Variants in TBC1D5 observed in about 807,000 individuals in gnomAD.
The protein encoded by TBC1D5 is TBC1 domain family, member 5.
A neutral mutation model predicts 100.3 loss-of-function variants in TBC1D5; 75 were observed. That is an observed-to-expected ratio of 0.75 (90% CI 0.62 to 0.91). The LOEUF (loss-of-function observed/expected upper bound fraction) is 0.91. Ranked by LOEUF, TBC1D5 falls within the 40% of genes least tolerant of loss-of-function variation. The pLI, the probability that TBC1D5 is intolerant of heterozygous loss-of-function variation, is 0.00. For synonymous variants in TBC1D5, 323 were observed against 325.6 expected, an observed-to-expected ratio of 0.99 and a Z score of 0.09; for missense variants, 910 against 942.4, an observed-to-expected ratio of 0.97 and a Z score of 0.45.
intron 3 of TBC1D5, among the ~76,000 whole-genome samples, chr3:17,437,397 T>A (rs2094554437): frequency 6.6e-6 from 1 of 152,176 alleles, no homozygotes; most frequent in African/African-American, 2.4e-5. Flanking sequence ...CTACCTGATG[T>A]CGTAGAAATA....
chr3:17,623,679 T>C (rs754991313), intron 2 of TBC1D5, 170 bp downstream of exon 2: 1 of 152,278 alleles, frequency 6.6e-6, no homozygotes, highest in African/African-American at 2.4e-5. Context: ...TTGTAGGCCC[T>C]GCCCCCAACC....
chr3:17,700,976 C>T lies in TBC1D5; in HGVS notation c.-101+38367G>A, dbSNP rs536586309. On this transcript the variant is annotated intron_variant, in intron 1 of 21. Coordinates refer to ENST00000253692, the Ensembl canonical transcript of TBC1D5. The stretch of plus-strand genomic sequence containing the variant: ...ACCATTTGACCCAGCCATCCCATTA[C>T]TAGGTATATACCCAAAGGATTATAA... Among the ~76,000 whole-genome samples, 5 of 152,280 alleles carry T rather than the reference C, an allele frequency of 3.3e-5. No homozygotes were observed. The South Asian group carries it at 1.0e-3, about 32-fold the overall frequency.
At chr3:17,665,051 A>AAAAAG (rs2067096734) in intron 1 of TBC1D5, 1 of 127,150 alleles carries the variant, frequency 7.9e-6, no homozygotes. Context: ...AAAAAAAAAA[A>AAAAAG]GGAAGAAGAA....
Position 17,538,668 on chromosome 3 carries a change from C to T in TBC1D5, c.-35-30063G>A, listed in dbSNP as rs115046980. On this transcript the variant is annotated intron_variant, in intron 2 of 21. Coordinates refer to ENST00000253692, the Ensembl canonical transcript of TBC1D5. ...AGGCAAGAATCAAGTTGTTGCAGAC[C>T]CATAAAGATTCACCACTGCTAACAG... Among the ~76,000 whole-genome samples the T allele has an allele frequency of 4.7e-3, 710 of 152,286 alleles. 1 individual carries two copies. Among genetic ancestry groups the T allele is most frequent in the African/African-American group, 0.016 (674 of 41,554 alleles).
intron 1 of TBC1D5, among the ~76,000 whole-genome samples, chr3:17,687,984 T>C (rs1307009929): frequency 6.6e-6 from 1 of 152,168 alleles, no homozygotes; most frequent in Non-Finnish European, 1.5e-5. Flanking sequence ...AAAGAGGTAC[T>C]GAAAGATTTT....
intron 2 of TBC1D5, among the ~76,000 whole-genome samples, chr3:17,577,439 C>T (rs2096664495): frequency 6.6e-6 from 1 of 151,892 alleles, no homozygotes; most frequent in South Asian, 2.1e-4. Context: ...TCCACACAAG[C>T]ATTTTTAAAT....
chr3:17,556,797 T>C (rs1416778003), intron 2 of TBC1D5, among the ~76,000 whole-genome samples: 1 of 152,194 alleles, frequency 6.6e-6, no homozygotes, highest in Non-Finnish European at 1.5e-5. Context: ...GAAGTTACCA[T>C]TAGTAACTGC....
At chr3:17,157,503 T>C (rs2065686094) in exon 22 of TBC1D5, 4 of 152,282 alleles carry the variant, frequency 2.6e-5, no homozygotes, top group Admixed American at 2.6e-4. Flanking sequence ...CCATCCTCAA[T>C]GTATCCGGCC....
chr3:17,648,744 TC>T (rs1301278885), intron 1 of TBC1D5, among the ~76,000 whole-genome samples: 1 of 152,112 alleles, frequency 6.6e-6, no homozygotes, highest in African/African-American at 2.4e-5. Context: ...GTATCACTGA[TC>T]ATTAGAGAAA....
At chr3:17,683,156 G>A (rs2069735531) in intron 1 of TBC1D5, among the ~76,000 whole-genome samples, 1 of 151,508 alleles carries the variant, frequency 6.6e-6, no homozygotes, top group Non-Finnish European at 1.5e-5. Context: ...ATGTTAAAAT[G>A]CTTAACTGTG....
At chr3:17,635,935 G>C (rs1013735600) in intron 1 of TBC1D5, among the ~76,000 whole-genome samples, 1 of 152,196 alleles carries the variant, frequency 6.6e-6, no homozygotes, top group Non-Finnish European at 1.5e-5. Context: ...ACTCATGCCT[G>C]TAATCTCAGC....
chr3:17,327,494 G>A (rs1420196839), intron 13 of TBC1D5, among the ~76,000 whole-genome samples: 2 of 152,096 alleles, frequency 1.3e-5, no homozygotes, highest in Non-Finnish European at 2.9e-5. Flanking sequence ...CTTCAGCCTC[G>A]CTGGTTTGAG....
chr3:17,581,812 T>A (rs997693677), intron 2 of TBC1D5, among the ~76,000 whole-genome samples: 1 of 152,118 alleles, frequency 6.6e-6, no homozygotes, highest in Non-Finnish European at 1.5e-5. Flanking sequence ...TAAATATAAA[T>A]CCTTAAAAGA....
chr3:17,496,255 T>C (rs1560020541), intron 3 of TBC1D5, among the ~76,000 whole-genome samples: 1 of 152,242 alleles, frequency 6.6e-6, no homozygotes, highest in Non-Finnish European at 1.5e-5. Flanking sequence ...AATTACTCAA[T>C]TTGTTAATAG....
intron 1 of TBC1D5, among the ~76,000 whole-genome samples, chr3:17,643,068 T>C (rs1322075168): frequency 6.6e-6 from 1 of 152,110 alleles, no homozygotes; most frequent in Non-Finnish European, 1.5e-5. Context: ...TCCAGAATCC[T>C]ATCCAGGATT....
At chr3:17,605,679 G>A (rs1392190007) in intron 2 of TBC1D5, among the ~76,000 whole-genome samples, 1 of 152,064 alleles carries the variant, frequency 6.6e-6, no homozygotes, top group East Asian at 1.9e-4. Context: ...TAAAGATCAG[G>A]AAAGTATGCT....
chr3:17,471,725 A>G (rs1207587582), intron 3 of TBC1D5, among the ~76,000 whole-genome samples: 1 of 151,926 alleles, frequency 6.6e-6, no homozygotes, highest in Admixed American at 6.6e-5. Flanking sequence ...TATCCAGTAC[A>G]TGTACACACA....
At position 17,397,670 on chromosome 3, in the gene TBC1D5, C is replaced by T. The variant is rs370385104; in HGVS notation, c.509+5511G>A. 5.9e-5 allele frequency among the ~76,000 whole-genome samples: 9 copies of T among 152,274 alleles called. No individual in the cohort carries two copies. The South Asian group carries it at 1.0e-3, about 18-fold the overall frequency. Reference sequence around the variant, plus strand: ...GGGATTGAAGGCATGAGCCAACACACCTGGCCCAAGAAAGCTGCATCTTTA... The same window carrying T: ...GGGATTGAAGGCATGAGCCAACACATCTGGCCCAAGAAAGCTGCATCTTTA... On this transcript the variant is annotated intron_variant, in intron 8 of 21. Coordinates refer to ENST00000253692, the Ensembl canonical transcript of TBC1D5.
intron 2 of TBC1D5, among the ~76,000 whole-genome samples, chr3:17,612,693 G>C (rs1188224959): frequency 6.6e-6 from 1 of 151,624 alleles, no homozygotes; most frequent in Non-Finnish European, 1.5e-5. Context: ...AGAAGAACTA[G>C]AAAAGAAGAA....
Sources: gnomAD v4.1 joint callset for allele counts (sites outside exome capture counted in the v4.1 genomes callset) on GRCh38, gnomAD v4.1.1 for gene constraint, MANE v1.5 for transcripts, NCBI Gene and HGNC (gene_info 2026-07-23, HGNC 2026-07-21) for gene names.